Variants in CCDC138 observed in about 807,000 individuals in gnomAD.
CCDC138 encodes the protein coiled-coil domain-containing protein 138.
CCDC138 carries 66 observed loss-of-function variants against 82.3 expected under a neutral mutation model. The ratio of observed to expected loss-of-function variants is 0.80; its 90% confidence interval spans 0.66 to 0.98. CCDC138 has a LOEUF of 0.98. Among genes scored for constraint, CCDC138 ranks in the 50% least tolerant of loss-of-function variants. CCDC138 has a pLI of 0.00. For missense variants in CCDC138, 816 were observed against 758.9 expected (o/e 1.08, Z -0.88); for synonymous variants, 297 against 265.4 (o/e 1.12, Z -1.16).
chr2:108,857,019 G>A, intron 13 of CCDC138, 49 bp downstream of exon 13: 2 of 691,452 alleles, frequency 2.9e-6, no homozygotes, highest in Non-Finnish European at 2.0e-6. Context: ...TGATTTTTCT[G>A]TCTTTATCTT....
At chr2:108,842,975 C>T (rs1689769665) in intron 11 of CCDC138, among the ~76,000 whole-genome samples, 1 of 152,120 alleles carries the variant, frequency 6.6e-6, no homozygotes, top group Non-Finnish European at 1.5e-5. Flanking sequence ...GAGAATGTTA[C>T]CATTTTTGCT....
At chr2:108,815,682 G>A (rs536857092) in intron 9 of CCDC138, among the ~76,000 whole-genome samples, 11 of 151,764 alleles carry the variant, frequency 7.2e-5, no homozygotes, top group African/African-American at 2.7e-4. Flanking sequence ...GGCTGGTCTC[G>A]AACTCCTAGG....
chr2:108,863,406 T>C (rs993652723), intron 13 of CCDC138, among the ~76,000 whole-genome samples: 66 of 152,306 alleles, frequency 4.3e-4, no homozygotes, highest in African/African-American at 1.5e-3. Flanking sequence ...AAGGGTGTGC[T>C]GTACTTTAGA....
intron 12 of CCDC138, among the ~76,000 whole-genome samples, chr2:108,853,668 A>G (rs781732059): frequency 6.7e-6 from 1 of 150,044 alleles, no homozygotes; most frequent in Non-Finnish European, 1.5e-5. Flanking sequence ...CTGGGACTAC[A>G]GGCATGCACT....
chr2:108,884,188 C>A (rs899366365), intron 2 of CCDC138: 2 of 152,668 alleles, frequency 1.3e-5, no homozygotes, highest in Admixed American at 1.3e-4. Flanking sequence ...CAGGTATGAG[C>A]CACTGCACCT....
At chr2:108,827,492 C>G (rs1439721877) in intron 10 of CCDC138, among the ~76,000 whole-genome samples, 1 of 152,132 alleles carries the variant, frequency 6.6e-6, no homozygotes, top group Admixed American at 6.6e-5. Context: ...GACATCAGTT[C>G]TTACTAAATC....
At chr2:108,820,712 A>AACAC (rs1553413044) in intron 10 of CCDC138, among the ~76,000 whole-genome samples, 12 of 22,606 alleles carry the variant, frequency 5.3e-4, no homozygotes, top group African/African-American at 3.1e-3. Flanking sequence ...AAAAAAAAAA[A>AACAC]AAACAAACAA....
intron 2 of CCDC138, chr2:108,883,875 A>G (rs913148513): frequency 6.6e-6 from 1 of 152,180 alleles, no homozygotes; most frequent in Non-Finnish European, 1.5e-5. Context: ...TTCTTTCAGG[A>G]GCAGGACTGA....
At chr2:108,830,817 A>G (rs1489760200) in intron 10 of CCDC138, among the ~76,000 whole-genome samples, 1 of 151,552 alleles carries the variant, frequency 6.6e-6, no homozygotes, top group Non-Finnish European at 1.5e-5. Context: ...TCAAATAAAA[A>G]ACAAAAAAAA....
chr2:108,814,793 G>A (rs907714012), intron 9 of CCDC138, among the ~76,000 whole-genome samples: 15 of 151,098 alleles, frequency 9.9e-5, no homozygotes, highest in African/African-American at 3.6e-4. Flanking sequence ...CCACCACCAC[G>A]CCTGGCTAAT....
chr2:108,854,093 TATATATATAATAA>T (rs1692221766), intron 12 of CCDC138, among the ~76,000 whole-genome samples: 2 of 133,162 alleles, frequency 1.5e-5, no homozygotes, highest in East Asian at 2.0e-4. Flanking sequence ...AAATTTATAT[TATATATATAATAA>T]ATATATATAA....
chr2:108,872,350 C>A (rs1695399789), intron 13 of CCDC138, among the ~76,000 whole-genome samples: 1 of 152,166 alleles, frequency 6.6e-6, no homozygotes, highest in Admixed American at 6.5e-5. Context: ...CCACCACATA[C>A]ACATACCTCG....
At chr2:108,803,624 C>G (rs76687858) in intron 6 of CCDC138, among the ~76,000 whole-genome samples, 2 of 152,098 alleles carry the variant, frequency 1.3e-5, no homozygotes, top group African/African-American at 4.8e-5. Context: ...TTTTGTTCTA[C>G]TTCTCCATGT....
intron 3 of CCDC138, among the ~76,000 whole-genome samples, chr2:108,790,360 G>T (rs1679704833): frequency 6.6e-6 from 1 of 151,938 alleles, no homozygotes; most frequent in Non-Finnish European, 1.5e-5. Flanking sequence ...ATAATCTAAA[G>T]GTTTTGGACT....
chr2:108,820,920 A>G (rs1227641901), intron 10 of CCDC138, among the ~76,000 whole-genome samples: 3 of 152,212 alleles, frequency 2.0e-5, no homozygotes. Context: ...TGTTAAAGGC[A>G]AATAAATGGA....
Position 108,822,898 on chromosome 2 carries a change from C to T in CCDC138, c.1206+6793C>T, listed in dbSNP as rs373633832. Among the ~76,000 whole-genome samples, 65 of 152,160 alleles carry T rather than the reference C, an allele frequency of 4.3e-4. 1 individual carries two copies. In the South Asian group the frequency reaches 0.013, roughly 30 times the overall value. ...TCTTTGAAAGTATCAACAAAATTGACAAACCGCTAGCTAGATGAAGGGAGA... is the reference window on the plus strand; with the variant it reads ...TCTTTGAAAGTATCAACAAAATTGATAAACCGCTAGCTAGATGAAGGGAGA... On this transcript the variant is annotated intron_variant, in intron 10 of 14. Coordinates refer to ENST00000295124, the MANE Select transcript of CCDC138 (RefSeq NM_144978.3).
intron 13 of CCDC138, among the ~76,000 whole-genome samples, chr2:108,862,484 A>G (rs569408094): frequency 6.6e-6 from 1 of 152,300 alleles, no homozygotes; most frequent in South Asian, 2.1e-4. Flanking sequence ...AACCTGTATA[A>G]TGTGGTGATT....
In CCDC138 at chr2:108,816,143, A is replaced by G. The variant is rs771049383; in HGVS notation, c.1206+38A>G. ...ATTTGAAATATGTGATTCAGAATAT[A>G]TGAAGATTAAAAAAGGAAAAGCCAG... On this transcript the variant is annotated intron_variant, in intron 10 of 14. Transcript: ENST00000295124. The G allele has an allele frequency of 8.1e-6, 12 of 1,490,026 alleles. No homozygotes were observed. The African/African-American group carries it at 1.3e-4, about 16-fold the overall frequency. 92.3% of individuals were successfully genotyped at this position (1,490,026 alleles called of 1,614,324 possible). A position where few individuals can be genotyped will look rare whatever the true frequency, so the allele number is the denominator to read the frequency against.
chr2:108,864,793 C>CAAAA (rs148029306), intron 13 of CCDC138, among the ~76,000 whole-genome samples: 1 of 125,062 alleles, frequency 8.0e-6, no homozygotes, highest in Non-Finnish European at 1.6e-5. Context: ...GACTCCATCT[C>CAAAA]AAAAAAAAAA....
Sources: allele counts gnomAD v4.1 joint callset (sites outside exome capture counted in the v4.1 genomes callset), GRCh38; gene constraint gnomAD v4.1.1; transcripts MANE v1.5; gene names NCBI Gene and HGNC (gene_info 2026-07-23, HGNC 2026-07-21).